Variants in VOPP1 observed in about 807,000 individuals in gnomAD.
VOPP1 encodes WW domain binding protein VOPP1.
Under a neutral mutation model 23.5 loss-of-function variants are expected in VOPP1, and 8 were observed. The observed-to-expected ratio is 0.34, with a 90% CI of 0.20 to 0.61. The LOEUF (loss-of-function observed/expected upper bound fraction) is 0.61. VOPP1 is among the 20% of genes least tolerant of loss of function. VOPP1 has a pLI of 0.78. For synonymous variants in VOPP1, 83 were observed against 97.3 expected, an observed-to-expected ratio of 0.85 and a Z score of 0.86; for missense variants, 174 against 238.1, an observed-to-expected ratio of 0.73 and a Z score of 1.77.
downstream of VOPP1, chr7:55,470,494 C>CA (rs1791751053): frequency 6.6e-6 from 1 of 152,140 alleles, no homozygotes; most frequent in Non-Finnish European, 1.5e-5. Flanking sequence ...CCCCTGAGAC[C>CA]AGGTGCATCC....
chr7:55,468,289 GA>G (rs896405078), downstream of VOPP1, among the ~76,000 whole-genome samples: 3 of 142,876 alleles, frequency 2.1e-5, no homozygotes, highest in Admixed American at 7.1e-5. Flanking sequence ...AAAAAAAAAA[GA>G]AAAAAAAAGA....
At chr7:55,505,322 TCCAAAACCTGAGACCTTC>T (rs1562935973) in intron 2 of VOPP1, among the ~76,000 whole-genome samples, 2 of 151,914 alleles carry the variant, frequency 1.3e-5, no homozygotes, top group Non-Finnish European at 2.9e-5. Context: ...GAAGCTGAAA[TCCAAAACCTGAGACCTTC>T]CCAAAGTCCA....
At chr7:55,556,700 A>G (rs1463241961) in intron 1 of VOPP1, among the ~76,000 whole-genome samples, 2 of 149,294 alleles carry the variant, frequency 1.3e-5, no homozygotes, top group Admixed American at 1.3e-4. Flanking sequence ...ACATATGGTT[A>G]CAATTTATGT....
chr7:55,479,978 T>C (rs1237284378), intron 4 of VOPP1, among the ~76,000 whole-genome samples: 3 of 152,252 alleles, frequency 2.0e-5, no homozygotes, highest in Non-Finnish European at 2.9e-5. Flanking sequence ...ACAATGTTAA[T>C]TGCGTGCCTA....
chr7:55,515,895 G>A, intron 2 of VOPP1: 1 of 891,128 alleles, frequency 1.1e-6, no homozygotes, highest in Non-Finnish European at 1.3e-6. Context: ...GCTGTTTGCT[G>A]CTTTGGATCC....
chr7:55,499,779 C>T (rs1411265155), intron 2 of VOPP1, among the ~76,000 whole-genome samples: 2 of 152,140 alleles, frequency 1.3e-5, no homozygotes, highest in East Asian at 1.9e-4. Context: ...CCTGGTTCCA[C>T]GGCTGCATGC....
intron 4 of VOPP1, among the ~76,000 whole-genome samples, chr7:55,441,410 C>A (rs961012630): frequency 6.6e-6 from 1 of 152,088 alleles, no homozygotes; most frequent in African/African-American, 2.4e-5. Flanking sequence ...GACAAGCGCA[C>A]AGTTAAAAGT....
chr7:55,469,603 T>G (rs891572311), downstream of VOPP1, among the ~76,000 whole-genome samples: 6 of 152,000 alleles, frequency 3.9e-5, no homozygotes, highest in African/African-American at 1.4e-4. Context: ...AATAACAGAG[T>G]TGGGAGCACT....
At chr7:55,463,046 T>C (rs926857663) in intron 4 of VOPP1, among the ~76,000 whole-genome samples, 2 of 151,854 alleles carry the variant, frequency 1.3e-5, no homozygotes, top group Admixed American at 1.3e-4. Flanking sequence ...CTCTGTATTA[T>C]TATTTATTTC....
intron 3 of VOPP1, among the ~76,000 whole-genome samples, chr7:55,493,861 T>G (rs1312173655): frequency 6.6e-6 from 1 of 152,182 alleles, no homozygotes; most frequent in Non-Finnish European, 1.5e-5. Flanking sequence ...ATTTACTATT[T>G]TAATCATTTT....
intron 3 of VOPP1, among the ~76,000 whole-genome samples, chr7:55,495,615 A>T (rs948112501): frequency 6.6e-6 from 1 of 152,228 alleles, no homozygotes; most frequent in Non-Finnish European, 1.5e-5. Flanking sequence ...CTCTGGCTTG[A>T]AAGTATCCAC....
chr7:55,494,077 T>TGGAGGCTCAGTC (rs1793771032), intron 3 of VOPP1, among the ~76,000 whole-genome samples: 1 of 152,092 alleles, frequency 6.6e-6, no homozygotes, highest in Non-Finnish European at 1.5e-5. Flanking sequence ...GCAGGAGGCC[T>TGGAGGCTCAGTC]GGAGGCTCAG....
chr7:55,561,188 C>CT (rs1286954747), intron 1 of VOPP1, among the ~76,000 whole-genome samples: 1 of 152,138 alleles, frequency 6.6e-6, no homozygotes, highest in African/African-American at 2.4e-5. Context: ...CTGTGGCTTA[C>CT]TTCAACGCAA....
chr7:55,436,689 T>C (rs1790839068), intron 4 of VOPP1, among the ~76,000 whole-genome samples: 1 of 151,984 alleles, frequency 6.6e-6, no homozygotes, highest in Non-Finnish European at 1.5e-5. Context: ...TGTGTGCATG[T>C]GCATGCGTGT....
chr7:55,451,782 C>T (rs1294395624), intron 4 of VOPP1, among the ~76,000 whole-genome samples: 1 of 152,222 alleles, frequency 6.6e-6, no homozygotes, highest in African/African-American at 2.4e-5. Context: ...CAGAGCGAGA[C>T]TCTGTCTAAA....
intron 1 of VOPP1, among the ~76,000 whole-genome samples, chr7:55,537,053 G>C (rs192857323): frequency 2.0e-5 from 3 of 152,190 alleles, no homozygotes; most frequent in African/African-American, 7.2e-5. Flanking sequence ...GGAGGGGCCA[G>C]ACATTTTCTG....
intron 1 of VOPP1, among the ~76,000 whole-genome samples, chr7:55,530,104 C>T (rs985729867): frequency 1.3e-5 from 2 of 152,086 alleles, no homozygotes; most frequent in Non-Finnish European, 2.9e-5. Context: ...CATTCCACTC[C>T]AAGACCTGGA....
intron 4 of VOPP1, among the ~76,000 whole-genome samples, chr7:55,486,532 G>C (rs943903446): frequency 6.6e-6 from 1 of 152,168 alleles, no homozygotes; most frequent in African/African-American, 2.4e-5. Context: ...CACAGAGCTG[G>C]AGGACTTTGT....
chr7:55,462,655 ATTT>A (rs1191796338), intron 4 of VOPP1, among the ~76,000 whole-genome samples: 1 of 122,600 alleles, frequency 8.2e-6, no homozygotes, highest in Non-Finnish European at 1.7e-5. Context: ...TCTTGATTAT[ATTT>A]TTTTTTTTTT....
Sources: gnomAD v4.1 joint callset for allele counts (sites outside exome capture counted in the v4.1 genomes callset) on GRCh38, gnomAD v4.1.1 for gene constraint, MANE v1.5 for transcripts, NCBI Gene and HGNC (gene_info 2026-07-23, HGNC 2026-07-21) for gene names.